Variants in SPATA31C2 observed in about 807,000 individuals in gnomAD.
SPATA31C2 encodes the protein SPATA31 subfamily C member 2.
SPATA31C2 carries 5 observed loss-of-function variants against 11.4 expected under a neutral mutation model. That is an observed-to-expected ratio of 0.44 (90% CI 0.23 to 0.92). The LOEUF (loss-of-function observed/expected upper bound fraction) is 0.92, where lower values mean the gene tolerates loss of function less well. SPATA31C2 is among the 40% of genes least tolerant of loss of function. The pLI is 0.24. For synonymous variants in SPATA31C2, 515 were observed against 538.7 expected (o/e 0.96, Z 0.61); for missense variants, 1,353 against 1,368.6 (o/e 0.99, Z 0.18).
chr9:88,129,555 A>G lies in SPATA31C2; in HGVS notation c.*77T>C, dbSNP rs527542703. ...GTGCTGAGGGGGACTGACTGGGGAT[A>G]CAGCTTTCTTGGGGAGCAAGAGTTG... On this transcript the variant is annotated 3_prime_UTR_variant, in exon 4 of 4. Transcript: ENST00000324915. The G allele has an allele frequency of 8.7e-5, 139 of 1,600,782 alleles. No individual in the cohort carries two copies. The African/African-American group carries it at 1.5e-3, about 17-fold the overall frequency.
intron 1 of SPATA31C2, among the ~76,000 whole-genome samples, chr9:88,136,398 T>C (rs1465127619): frequency 4.9e-5 from 7 of 141,896 alleles, no homozygotes; most frequent in Admixed American, 3.0e-4. Context: ...TTTCTTGTTG[T>C]CGTTGTTGAC....
Position 88,131,785 on chromosome 9 carries a change from T to C in SPATA31C2, c.1252A>G (p.Lys418Glu). The change falls in exon 4 of 4, where the codon AAA (lysine) becomes GAA (glutamate). Residue 418 changes from lysine to glutamate, a missense_variant. Around this residue, in one of 6 missense-constraint regions of SPATA31C2, gnomAD observed 1,075 missense variants for 992.8 expected, o/e 1.08. Transcript: ENST00000324915. ...GGLALPSRVQ[K>E]SQDVFSVSTP... ...GAGACACTAAAGACGTCCTGAGATT[T>C]TTGGACCCTAGAGGGTAAAGCCAAC... 6.2e-7 allele frequency: 1 copy of C among 1,611,732 alleles called. No individual in the cohort carries two copies. Among genetic ancestry groups the C allele is most frequent in the Non-Finnish European group, 8.5e-7 (1 of 1,179,678 alleles).
At position 88,130,733 on chromosome 9, in the gene SPATA31C2, C is replaced by T; in HGVS notation, c.2304G>A (p.Trp768Ter). The T allele has an allele frequency of 6.2e-7, 1 of 1,613,612 alleles. No homozygotes were observed. The highest frequency in any genetic ancestry group is 2.2e-5 in the East Asian group (1 of 44,864). Residue 768 changes from tryptophan to a stop codon, truncating the protein, a stop_gained, in exon 4 of 4, where the codon TGG becomes TGA. Coordinates refer to ENST00000324915, the MANE Select transcript of SPATA31C2 (RefSeq NM_001350978.3). LOFTEE classifies it low-confidence loss of function (END_TRUNC). ...KAPTAGQEGR[W>*]PSKPLTYSLT... ...GGCTGTATGTGAGGGGCTTAGATGG[C>T]CACCTGCCCTCCTGTCCAGCTGTAG...
rs527911019 is a variant in SPATA31C2, at chr9:88,134,501, C to T, written c.190-832G>A. On this transcript the variant is annotated intron_variant, in intron 1 of 3. Transcript: ENST00000324915. ...AGACCTCCCCCGTCTCATGACCGGT[C>T]CTGGCCGCTGAGCCCACGGGTTTGA... Among the ~76,000 whole-genome samples, 4 of 149,400 alleles carry T rather than the reference C, an allele frequency of 2.7e-5. No individual in the cohort carries two copies. The East Asian group carries it at 9.1e-4, about 34-fold the overall frequency.
In SPATA31C2 at chr9:88,130,671, G is replaced by A. The variant is rs541938675; in HGVS notation, c.2366C>T (p.Ala789Val). The change falls in exon 4 of 4, where the codon GCC becomes GTC. Residue 789 changes from alanine to valine, a missense_variant. By Grantham distance (64) the Ala-to-Val change is moderately conservative. Transcript: ENST00000324915. ...GGTCTCTCCAGCCCTTGAAGATTGGGCTCCTAAGCTCCTGCTCTGCTGGGT... is the reference window on the plus strand; with the variant it reads ...GGTCTCTCCAGCCCTTGAAGATTGGACTCCTAAGCTCCTGCTCTGCTGGGT... ...GSTQQSRSLG[A>V]QSSRAGETRE... 9.8e-4 allele frequency: 1,575 copies of A among 1,613,844 alleles called. 11 individuals are homozygous for A. The African/African-American group carries it at 0.018, about 19-fold the overall frequency.
In SPATA31C2 at chr9:88,130,761, G is replaced by A. The variant is rs772714311; in HGVS notation, c.2276C>T (p.Ala759Val). The change falls in exon 4 of 4, where the codon GCT (alanine) becomes GTT (valine). Residue 759 changes from alanine (A) to valine (V), a missense_variant. Ala to Val is a moderately conservative substitution (Grantham distance 64). Around this residue, in one of 6 missense-constraint regions of SPATA31C2, gnomAD observed 1,075 missense variants for 992.8 expected, o/e 1.08. Coordinates refer to ENST00000324915, the MANE Select transcript of SPATA31C2 (RefSeq NM_001350978.3). ...CCTGCCCTCCTGTCCAGCTGTAGGAGCCTTCAAGGACCCATGATCATTCGA... is the reference window on the plus strand; with the variant it reads ...CCTGCCCTCCTGTCCAGCTGTAGGAACCTTCAAGGACCCATGATCATTCGA... The part of the protein sequence containing the change: ...PSSNDHGSLK[A>V]PTAGQEGRWP... 1.9e-6 allele frequency: 3 copies of A among 1,613,176 alleles called. No homozygotes were observed. The highest frequency in any genetic ancestry group is 2.5e-6 in the Non-Finnish European group (3 of 1,179,882).
At chr9:88,136,449 G>C (rs1825683279) in intron 1 of SPATA31C2, among the ~76,000 whole-genome samples, 2 of 144,330 alleles carry the variant, frequency 1.4e-5, no homozygotes, top group African/African-American at 5.2e-5. Flanking sequence ...TGAGCTCCTT[G>C]TCAGATATGG....
intron 1 of SPATA31C2, among the ~76,000 whole-genome samples, chr9:88,137,642 C>T (rs1178751895): frequency 4.2e-5 from 5 of 119,340 alleles, no homozygotes; most frequent in Admixed American, 9.5e-5. Flanking sequence ...AACACACACG[C>T]ACACACACAG....
intron 1 of SPATA31C2, among the ~76,000 whole-genome samples, chr9:88,136,194 A>G (rs1359007488): frequency 1.4e-5 from 2 of 143,440 alleles, no homozygotes; most frequent in Admixed American, 7.0e-5. Flanking sequence ...TGGCCTCCCA[A>G]AGTGCTGGGA....
intron 1 of SPATA31C2, among the ~76,000 whole-genome samples, 186 bp from the exon 2 acceptor site, chr9:88,133,855 G>C (rs568697914): frequency 1.3e-5 from 2 of 152,284 alleles, no homozygotes; most frequent in African/African-American, 4.8e-5. Context: ...AAAACAGGAA[G>C]AGGGGGTCGG....
At chr9:88,135,592 A>G (rs1319219425) in intron 1 of SPATA31C2, among the ~76,000 whole-genome samples, 1 of 135,594 alleles carries the variant, frequency 7.4e-6, no homozygotes, top group Admixed American at 7.4e-5. Flanking sequence ...GCTCACTGCA[A>G]GCTCCGCCTC....
chr9:88,137,490 C>T (rs1825696629), intron 1 of SPATA31C2, among the ~76,000 whole-genome samples: 2 of 143,736 alleles, frequency 1.4e-5, no homozygotes, highest in African/African-American at 5.1e-5. Flanking sequence ...GGCGTGGTGG[C>T]GGGCGCCTGT....
At position 88,131,225 on chromosome 9, in the gene SPATA31C2, G is replaced by T; in HGVS notation, c.1812C>A (p.Asn604Lys). Residue 604 changes from asparagine (N) to lysine (K), a missense_variant, in exon 4 of 4, where the codon AAC (asparagine) becomes AAA (lysine). Around this residue, in one of 6 missense-constraint regions of SPATA31C2, gnomAD observed 1,075 missense variants for 992.8 expected, o/e 1.08. Coordinates refer to ENST00000324915, the MANE Select transcript of SPATA31C2 (RefSeq NM_001350978.3). ...VSVRRSWLAV[N>K]QAFPVSNTHV... is the part of the protein sequence containing the mutation. ...GGGTGTTGGAGACGGGAAAAGCCTG[G>T]TTGACAGCAAGCCAGGATCGACGCA... The T allele has an allele frequency of 1.2e-6, 2 of 1,611,912 alleles. No individual in the cohort carries two copies. Among genetic ancestry groups the T allele is most frequent in the Non-Finnish European group, 1.7e-6 (2 of 1,179,868 alleles).
rs1436477239 is a variant in SPATA31C2, at chr9:88,132,351, C to G, written c.686G>C (p.Gly229Ala). Residue 229 changes from glycine to alanine, a missense_variant, in exon 4 of 4, where the codon GGC (glycine) becomes GCC (alanine). By Grantham distance (60) the Gly-to-Ala change is moderately conservative (BLOSUM62 0). Transcript: ENST00000324915. ...PLACSPPPPK[G>A]FTPPPLRDST... ...GTCCCGCAGGGGAGGAGGAGTGAAGCCTTTCGGAGGAGGCGGAGAGCAGGC... is the reference window on the plus strand; with the variant it reads ...GTCCCGCAGGGGAGGAGGAGTGAAGGCTTTCGGAGGAGGCGGAGAGCAGGC... 6.2e-7 allele frequency: 1 copy of G among 1,610,956 alleles called. No homozygotes were observed. Among genetic ancestry groups the G allele is most frequent in the Admixed American group, 1.7e-5 (1 of 59,856 alleles).
intron 1 of SPATA31C2, among the ~76,000 whole-genome samples, chr9:88,137,622 A>ATT (rs1281017953): frequency 7.9e-6 from 1 of 126,164 alleles, no homozygotes; most frequent in Non-Finnish European, 1.6e-5. Flanking sequence ...ATAAATAAAA[A>ATT]TAACACACAA....
At position 88,131,742 on chromosome 9, in the gene SPATA31C2, T is replaced by C. The variant is rs1311641930; in HGVS notation, c.1295A>G (p.Gln432Arg). The C allele has an allele frequency of 1.1e-5, 18 of 1,611,902 alleles. No homozygotes were observed. Among genetic ancestry groups the C allele is most frequent in the Admixed American group, 1.7e-5 (1 of 60,004 alleles). The change falls in exon 4 of 4, where the codon CAG (glutamine) becomes CGG (arginine). Residue 432 changes from glutamine to arginine, a missense_variant. Coordinates refer to ENST00000324915, the MANE Select transcript of SPATA31C2 (RefSeq NM_001350978.3). ...VFSVSTPNLP[Q>R]ERLTSILPEN... Reference sequence around the variant, plus strand: ...AGGCAGAATGGATGTCAGTCTTTCCTGGGGAAGGTTAGGAGTGGAGACACT... The same window carrying C: ...AGGCAGAATGGATGTCAGTCTTTCCCGGGGAAGGTTAGGAGTGGAGACACT...
At position 88,131,257 on chromosome 9, in the gene SPATA31C2, C is replaced by G. The variant is rs146157051; in HGVS notation, c.1780G>C (p.Val594Leu). Residue 594 changes from valine (V) to leucine (L), a missense_variant, in exon 4 of 4, where the codon GTG becomes CTG. By Grantham distance (32) the Val-to-Leu change is conservative (BLOSUM62 1). Transcript: ENST00000324915. ...LGQTNEGLIPVSVRRSWLAVN... is the reference protein window; with the variant it reads ...LGQTNEGLIPLSVRRSWLAVN... ...GCAAGCCAGGATCGACGCACACTCA[C>G]GGGGATCAAGCCCTCGTTGGTCTGG... 1 of 1,611,864 alleles carries G rather than the reference C, an allele frequency of 6.2e-7. No individual in the cohort carries two copies. Among genetic ancestry groups the G allele is most frequent in the South Asian group, 1.1e-5 (1 of 90,978 alleles).
At position 88,133,099 on chromosome 9, in the gene SPATA31C2, T is replaced by G. The variant is rs1441990603; in HGVS notation, c.266-73A>C. The G allele has an allele frequency of 3.0e-5, 34 of 1,142,818 alleles. 3 individuals are homozygous for G. Among genetic ancestry groups the G allele is most frequent in the Non-Finnish European group, 3.5e-5 (30 of 868,024 alleles). The allele number at this position is 1,142,818 out of a possible 1,614,324, so 70.8% of individuals were successfully genotyped here. On this transcript the variant is annotated intron_variant, in intron 2 of 3. Coordinates refer to ENST00000324915, the MANE Select transcript of SPATA31C2 (RefSeq NM_001350978.3). ...CACAGGAGGCTGAGTGTATGTTTCT[T>G]TAGGGAAGACCATGGGGAATTAGAC...
Position 88,130,661 on chromosome 9 carries a change from T to C in SPATA31C2, c.2376A>G (p.Ser792=), listed in dbSNP as rs1261560042. The part of the protein sequence containing the change: ...QQSRSLGAQS[S]RAGETREAVP... The stretch of plus-strand genomic sequence containing the variant: ...CTGCCTCCCTGGTCTCTCCAGCCCT[T>C]GAAGATTGGGCTCCTAAGCTCCTGC... Residue 792 remains serine, a synonymous_variant, in exon 4 of 4, where the codon TCA becomes TCG. Coordinates refer to ENST00000324915, the MANE Select transcript of SPATA31C2 (RefSeq NM_001350978.3). 2 of 1,613,898 alleles carry C rather than the reference T, an allele frequency of 1.2e-6. No individual in the cohort carries two copies.
Sources: gnomAD v4.1 joint callset for allele counts (sites outside exome capture counted in the v4.1 genomes callset) on GRCh38, gnomAD v4.1.1 for gene constraint, gnomAD v4.1.1 regional missense constraint, MANE v1.5 for transcripts, NCBI Gene and HGNC (gene_info 2026-07-23, HGNC 2026-07-21) for gene names.